The following MRTFA variants were observed in gnomAD, a reference collection of about 807,000 sequenced individuals.
The protein encoded by MRTFA is myocardin related transcription factor A.
MRTFA carries 20 observed loss-of-function variants against 83.5 expected under a neutral mutation model. The observed-to-expected ratio is 0.24, with a 90% CI of 0.17 to 0.35. MRTFA has a LOEUF of 0.35. MRTFA is among the 10% of genes least tolerant of loss of function. MRTFA has a pLI of 1.00. For synonymous variants in MRTFA, 659 were observed against 541.2 expected, an observed-to-expected ratio of 1.22 and a Z score of -3.02; for missense variants, 1,200 against 1,224.7, an observed-to-expected ratio of 0.98 and a Z score of 0.30.
chr22:40,532,316 A>G (rs968420701), intron 3 of MRTFA, among the ~76,000 whole-genome samples: 1 of 152,256 alleles, frequency 6.6e-6, no homozygotes, highest in Non-Finnish European at 1.5e-5. Flanking sequence ...AAATGCTAAA[A>G]TCTACCCCTC....
chr22:40,578,300 C>T (rs558806518), intron 2 of MRTFA, among the ~76,000 whole-genome samples: 74 of 152,192 alleles, frequency 4.9e-4, no homozygotes, highest in African/African-American at 6.5e-4. Context: ...CACCCACATA[C>T]CGCAGTTCAA....
At chr22:40,442,539 AC>A (rs1197608677) in intron 4 of MRTFA, among the ~76,000 whole-genome samples, 3 of 18,162 alleles carry the variant, frequency 1.7e-4, no homozygotes, top group Admixed American at 5.9e-4. Context: ...CTGCCCGCCC[AC>A]CCACCCATCC....
chr22:40,466,193 G>A (rs2053810319), intron 3 of MRTFA, among the ~76,000 whole-genome samples: 1 of 152,094 alleles, frequency 6.6e-6, no homozygotes, highest in East Asian at 1.9e-4. Flanking sequence ...GTTGATTTCA[G>A]AAAAAAATTA....
At chr22:40,589,456 GC>G (rs1222415739) in intron 2 of MRTFA, among the ~76,000 whole-genome samples, 2 of 152,168 alleles carry the variant, frequency 1.3e-5, no homozygotes, top group Non-Finnish European at 2.9e-5. Flanking sequence ...TTAAGTAACT[GC>G]TGAGCCAGGG....
intron 4 of MRTFA, among the ~76,000 whole-genome samples, chr22:40,454,083 G>C (rs556230290): frequency 7.2e-5 from 11 of 152,110 alleles, no homozygotes; most frequent in African/African-American, 2.6e-4. Flanking sequence ...TCCACTGATA[G>C]GAAAGAAAGT....
intron 2 of MRTFA, among the ~76,000 whole-genome samples, chr22:40,576,923 T>C (rs1009708869): frequency 1.3e-5 from 2 of 152,018 alleles, no homozygotes; most frequent in Non-Finnish European, 2.9e-5. Flanking sequence ...CTCTATAAAA[T>C]TTTCAAAATT....
chr22:40,482,341 T>C (rs1030600412), intron 3 of MRTFA, among the ~76,000 whole-genome samples: 1 of 152,106 alleles, frequency 6.6e-6, no homozygotes, highest in Non-Finnish European at 1.5e-5. Context: ...ATTCCCCACA[T>C]CCTCAAAAAT....
rs547010971 is a variant in MRTFA at position 40,524,925 on chromosome 22, G to T, written c.241+27181C>A. On this transcript the variant is annotated intron_variant, in intron 3 of 14. Coordinates refer to ENST00000355630, the MANE Select transcript of MRTFA (RefSeq NM_020831.6). ...CAGGTTCAAGCAATTCTCCTGCCTC[G>T]GCCTCCCAAGTAGCTGGGATTACAA... 1.3e-4 allele frequency among the ~76,000 whole-genome samples: 20 copies of T among 152,046 alleles called. 1 individual carries two copies. The highest frequency in any genetic ancestry group is 3.9e-4 in the Admixed American group (6 of 15,264).
intron 1 of MRTFA, among the ~76,000 whole-genome samples, chr22:40,616,422 T>C (rs1170903846): frequency 1.3e-5 from 2 of 152,184 alleles, no homozygotes; most frequent in African/African-American, 4.8e-5. Flanking sequence ...TGAAGGGAGT[T>C]AGAGAGAATG....
chr22:40,609,855 T>G (rs988718207), intron 1 of MRTFA, among the ~76,000 whole-genome samples: 3 of 152,036 alleles, frequency 2.0e-5, no homozygotes, highest in African/African-American at 7.2e-5. Context: ...CCATCAAAGA[T>G]AACAGGTATT....
chr22:40,439,007 C>T (rs1202681223), intron 4 of MRTFA, among the ~76,000 whole-genome samples: 2 of 152,146 alleles, frequency 1.3e-5, no homozygotes, highest in Admixed American at 6.5e-5. Flanking sequence ...TTTAATATTC[C>T]TAATCATTCT....
chr22:40,632,607 TG>T (rs1451697671), intron 1 of MRTFA, among the ~76,000 whole-genome samples: 1 of 152,150 alleles, frequency 6.6e-6, no homozygotes, highest in Admixed American at 6.5e-5. Context: ...ACCTAATTTT[TG>T]TATTTTTAGT....
At chr22:40,492,064 G>A (rs201195214) in intron 3 of MRTFA, among the ~76,000 whole-genome samples, 1 of 128,786 alleles carries the variant, frequency 7.8e-6, no homozygotes, top group Non-Finnish European at 1.8e-5. Flanking sequence ...GACAATCCAC[G>A]AGAGTGGCAG....
intron 3 of MRTFA, among the ~76,000 whole-genome samples, chr22:40,520,186 T>G (rs2054840529): frequency 6.6e-6 from 1 of 152,204 alleles, no homozygotes; most frequent in South Asian, 2.1e-4. Context: ...ATTTAAAAAA[T>G]TGAGATACAA....
At chr22:40,622,539 G>T (rs1306139554) in intron 1 of MRTFA, among the ~76,000 whole-genome samples, 1 of 151,526 alleles carries the variant, frequency 6.6e-6, no homozygotes, top group Admixed American at 6.6e-5. Context: ...CCTTACAAGA[G>T]AAGAGGGAGG....
intron 4 of MRTFA, among the ~76,000 whole-genome samples, chr22:40,442,923 T>C (rs1208581912): frequency 6.6e-6 from 1 of 152,140 alleles, no homozygotes; most frequent in Admixed American, 6.5e-5. Flanking sequence ...GAGGATAATG[T>C]GGCTAGAAGA....
chr22:40,566,071 A>G (rs955911879), intron 2 of MRTFA, among the ~76,000 whole-genome samples: 6 of 152,212 alleles, frequency 3.9e-5, no homozygotes, highest in African/African-American at 7.2e-5. Flanking sequence ...AGCATATGCA[A>G]GTTAAAAAGC....
intron 4 of MRTFA, among the ~76,000 whole-genome samples, chr22:40,459,856 T>TATATATATATAC (rs2053677616): frequency 7.2e-6 from 1 of 139,544 alleles, no homozygotes; most frequent in Admixed American, 7.2e-5. Context: ...TATATATATA[T>TATATATATATAC]ATATATACAC....
chr22:40,492,846 C>G (rs1048437032), intron 3 of MRTFA, among the ~76,000 whole-genome samples: 19 of 152,306 alleles, frequency 1.2e-4, no homozygotes, highest in African/African-American at 4.1e-4. Flanking sequence ...GGCAAGTGTA[C>G]TCAATGAATG....
Sources: gnomAD v4.1 joint callset for allele counts (sites outside exome capture counted in the v4.1 genomes callset) on GRCh38, gnomAD v4.1.1 for gene constraint, MANE v1.5 for transcripts, NCBI Gene and HGNC (gene_info 2026-07-23, HGNC 2026-07-21) for gene names.